USP48: variants seen among roughly 807,000 people sequenced by gnomAD.
The protein encoded by USP48 is ubiquitin carboxyl-terminal hydrolase 48.
Under a neutral mutation model 150.7 loss-of-function variants are expected in USP48, and 43 were observed. The observed-to-expected ratio is 0.29, with a 90% CI of 0.22 to 0.37. The LOEUF is 0.37. Ranked by LOEUF, USP48 falls within the 10% of genes least tolerant of loss-of-function variation. The probability of loss-of-function intolerance (pLI) is 1.00; values close to 1 mark genes in which losing one functional copy is unlikely to be tolerated. For missense variants in USP48, 813 were observed against 1,249.6 expected (o/e 0.65, Z 5.27); for synonymous variants, 396 against 425.9 (o/e 0.93, Z 0.86).
chr1:21,685,274 A>G (rs2152493564), intron 25 of USP48, among the ~76,000 whole-genome samples: 1 of 150,674 alleles, frequency 6.6e-6, no homozygotes, highest in South Asian at 2.1e-4. Flanking sequence ...ATTTATTCCT[A>G]AGTATTTAAT....
In USP48 at chr1:21,729,612, T is replaced by G. The variant is rs907769427; in HGVS notation, c.1300+92A>C. 4.3e-6 allele frequency: 6 copies of G among 1,408,822 alleles called. No homozygotes were observed. In the South Asian group the frequency reaches 8.3e-5, roughly 19 times the overall value. The allele number at this position is 1,408,822 out of a possible 1,614,324, so 87.3% of individuals were successfully genotyped here. ...TTCACCTTATGGAATCAATTTATCATAGTAACTAAAAGCAATCCATTACTT... is the reference window on the plus strand; with the variant it reads ...TTCACCTTATGGAATCAATTTATCAGAGTAACTAAAAGCAATCCATTACTT... On this transcript the variant is annotated intron_variant, in intron 10 of 26. Coordinates refer to ENST00000308271, the MANE Select transcript of USP48 (RefSeq NM_032236.8).
rs570269175 is a variant in USP48, at chr1:21,762,222, G to A, written c.135-4439C>T. On this transcript the variant is annotated intron_variant, in intron 1 of 26. Coordinates refer to ENST00000308271, the MANE Select transcript of USP48 (RefSeq NM_032236.8). ...GCAGGGTTTGCAGTGAGCTGTGATCGCACCAGTGCATTCCAGCCAGGCTGG... is the reference window on the plus strand; with the variant it reads ...GCAGGGTTTGCAGTGAGCTGTGATCACACCAGTGCATTCCAGCCAGGCTGG... 5.3e-5 allele frequency among the ~76,000 whole-genome samples: 8 copies of A among 152,146 alleles called. No individual in the cohort carries two copies. In the South Asian group the frequency reaches 1.2e-3, roughly 24 times the overall value.
At chr1:21,717,145 G>A (rs1370685113) in intron 14 of USP48, among the ~76,000 whole-genome samples, 7 of 152,140 alleles carry the variant, frequency 4.6e-5, no homozygotes, top group Non-Finnish European at 7.4e-5. Context: ...GCTCACGCTT[G>A]TAATCCCAGC....
chr1:21,695,233 A>G lies in USP48; in HGVS notation c.2728-12T>C. On this transcript the variant is annotated splice_polypyrimidine_tract_variant and intron_variant, in intron 22 of 26. Coordinates refer to ENST00000308271, the MANE Select transcript of USP48 (RefSeq NM_032236.8). ...GTTCCACCATTGCTCTATAATGAAG[A>G]TTGGAAATGAAGAAAGCACTGAAAT... 6.3e-7 allele frequency: 1 copy of G among 1,589,624 alleles called. No individual in the cohort carries two copies. Among genetic ancestry groups the G allele is most frequent in the Admixed American group, 1.8e-5 (1 of 55,444 alleles).
chr1:21,767,547 T>A (rs2097865176), intron 1 of USP48, among the ~76,000 whole-genome samples: 1 of 151,764 alleles, frequency 6.6e-6, no homozygotes, highest in Non-Finnish European at 1.5e-5. Context: ...CTGGTCTCGA[T>A]CTCCTAACCT....
At chr1:21,719,369 T>C (rs916615871) in intron 14 of USP48, among the ~76,000 whole-genome samples, 2 of 150,662 alleles carry the variant, frequency 1.3e-5, no homozygotes, top group African/African-American at 2.4e-5. Flanking sequence ...GCTCAAAGAG[T>C]TTAAAACTAA....
intron 8 of USP48, among the ~76,000 whole-genome samples, chr1:21,744,933 G>C (rs1487816406): frequency 2.0e-5 from 3 of 152,084 alleles, no homozygotes; most frequent in Non-Finnish European, 4.4e-5. Flanking sequence ...TAAAGAAACA[G>C]GTGGATTCTC....
In USP48 at chr1:21,709,842, A is replaced by G. The variant is rs571075087; in HGVS notation, c.1964-2974T>C. ...GAGATCAGAATAATATTAAATAGTC[A>G]TTTTACTGTAGTCTAGTTGGTAATA... On this transcript the variant is annotated intron_variant, in intron 15 of 26. Coordinates refer to ENST00000308271, the MANE Select transcript of USP48 (RefSeq NM_032236.8). 2.6e-4 allele frequency among the ~76,000 whole-genome samples: 39 copies of G among 152,270 alleles called. No individual in the cohort carries two copies. The South Asian group carries it at 5.6e-3, about 22-fold the overall frequency.
chr1:21,695,010 G>A (rs999134329), intron 23 of USP48, 56 bp downstream of exon 23: 4 of 1,527,438 alleles, frequency 2.6e-6, no homozygotes, highest in Non-Finnish European at 3.5e-6. Flanking sequence ...TGGAAAGCAG[G>A]AATTCATAAA....
At chr1:21,774,765 G>A (rs1174045821) in intron 1 of USP48, among the ~76,000 whole-genome samples, 5 of 151,816 alleles carry the variant, frequency 3.3e-5, no homozygotes, top group Non-Finnish European at 7.4e-5. Context: ...GCTGAGGTGG[G>A]CAGATCACCT....
intron 1 of USP48, among the ~76,000 whole-genome samples, chr1:21,766,921 C>T (rs1204301935): frequency 2.0e-5 from 3 of 151,962 alleles, no homozygotes; most frequent in Non-Finnish European, 2.9e-5. Flanking sequence ...AAAAATTAGC[C>T]GGCGTGGTGG....
intron 19 of USP48, among the ~76,000 whole-genome samples, chr1:21,704,809 G>A (rs541238109): frequency 6.6e-6 from 1 of 152,216 alleles, no homozygotes; most frequent in Admixed American, 6.5e-5. Context: ...GTGGGAGAAA[G>A]AGAAGTAGCA....
chr1:21,697,377 G>A (rs773123259), intron 22 of USP48, among the ~76,000 whole-genome samples: 6 of 151,886 alleles, frequency 4.0e-5, no homozygotes, highest in African/African-American at 9.7e-5. Context: ...TGAAAGAAAA[G>A]GTCAGGCCAG....
At chr1:21,779,719 T>C (rs1035952374) in intron 1 of USP48, among the ~76,000 whole-genome samples, 2 of 152,092 alleles carry the variant, frequency 1.3e-5, no homozygotes, top group Admixed American at 6.6e-5. Context: ...CAAATGTCTA[T>C]CAGCAGATGA....
intron 9 of USP48, among the ~76,000 whole-genome samples, chr1:21,731,269 T>C (rs188204994): frequency 1.3e-5 from 2 of 152,238 alleles, no homozygotes; most frequent in Middle Eastern, 3.4e-3. Flanking sequence ...TAGCATATTT[T>C]CTTTTCTTTT....
At chr1:21,703,178 C>CT (rs2097662231) in intron 21 of USP48, among the ~76,000 whole-genome samples, 1 of 152,170 alleles carries the variant, frequency 6.6e-6, no homozygotes, top group African/African-American at 2.4e-5. Context: ...TGAATTTATA[C>CT]TTTATTCCTG....
chr1:21,690,760 C>A (rs1002802865), intron 23 of USP48, among the ~76,000 whole-genome samples: 7 of 152,102 alleles, frequency 4.6e-5, no homozygotes, highest in Non-Finnish European at 5.9e-5. Context: ...AATTCTTAGA[C>A]TCAAGCAATC....
intron 8 of USP48, among the ~76,000 whole-genome samples, chr1:21,741,220 A>T (rs1353737342): frequency 6.6e-6 from 1 of 152,236 alleles, no homozygotes; most frequent in Non-Finnish European, 1.5e-5. Context: ...AATCAAAATT[A>T]AAAAAGAAAC....
At chr1:21,682,129 C>T (rs1273957540) in intron 25 of USP48, among the ~76,000 whole-genome samples, 1 of 152,210 alleles carries the variant, frequency 6.6e-6, no homozygotes, top group African/African-American at 2.4e-5. Context: ...AGTATCATGG[C>T]AGACGGTGCA....
Sources: allele counts gnomAD v4.1 joint callset (sites outside exome capture counted in the v4.1 genomes callset), GRCh38; gene constraint gnomAD v4.1.1; transcripts MANE v1.5; gene names NCBI Gene and HGNC (gene_info 2026-07-23, HGNC 2026-07-21).